Variants in PARP1 observed in about 807,000 individuals in gnomAD.
The protein encoded by PARP1 is poly(ADP-ribose) polymerase 1.
PARP1 carries 44 observed loss-of-function variants against 118.7 expected under a neutral mutation model. That is an observed-to-expected ratio of 0.37 (90% CI 0.29 to 0.48). The LOEUF (loss-of-function observed/expected upper bound fraction) is 0.48. PARP1 is among the 20% of genes least tolerant of loss of function. The pLI is 0.99. For missense variants in PARP1, 1,100 were observed against 1,272.4 expected, an observed-to-expected ratio of 0.86 and a Z score of 2.06; for synonymous variants, 492 against 483.2, an observed-to-expected ratio of 1.02 and a Z score of -0.24.
At chr1:226,404,553 C>G (rs1450174666) in intron 1 of PARP1, among the ~76,000 whole-genome samples, 1 of 152,208 alleles carries the variant, frequency 6.6e-6, no homozygotes, top group African/African-American at 2.4e-5. Flanking sequence ...CCCCAACCAC[C>G]GGCACAGTGC....
At chr1:226,392,922 A>G (rs1664847312) in intron 2 of PARP1, 2 of 1,567,062 alleles carry the variant, frequency 1.3e-6, no homozygotes, top group African/African-American at 2.8e-5. Context: ...CTTGCCTAAG[A>G]TTAGGAATAA....
intron 2 of PARP1, among the ~76,000 whole-genome samples, chr1:226,401,559 G>A (rs1290868100): frequency 6.6e-6 from 1 of 152,170 alleles, no homozygotes; most frequent in African/African-American, 2.4e-5. Context: ...ATGGCACACT[G>A]GTGGGTGTTT....
intron 12 of PARP1, among the ~76,000 whole-genome samples, chr1:226,378,828 A>G (rs1199673489): frequency 6.6e-6 from 1 of 152,174 alleles, no homozygotes; most frequent in Non-Finnish European, 1.5e-5. Flanking sequence ...GAGCGAGACT[A>G]TTTCAAAAAA....
chr1:226,367,539 C>G lies in PARP1; in HGVS notation c.2347G>C (p.Asp783His). The change falls in exon 17 of 23, where the codon GAT becomes CAT. Residue 783 changes from aspartate to histidine, a missense_variant. Asp to His is a moderately conservative substitution (Grantham distance 81, BLOSUM62 -1). This residue lies in a region of PARP1 where 948 missense variants were observed against 1,031.8 expected (regional missense o/e 0.92). Coordinates refer to ENST00000366794, the MANE Select transcript of PARP1 (RefSeq NM_001618.4). ...TCGATGGGATCCTTGCTGCTATCAT[C>G]AGACCCTCCCCTGAGCAGACTGTAG... ...VAYSLLRGGS[D>H]DSSKDPIDVN... 1 of 1,614,170 alleles carries G rather than the reference C, an allele frequency of 6.2e-7. No homozygotes were observed. The highest frequency in any genetic ancestry group is 1.7e-4 in the Middle Eastern group (1 of 6,060).
chr1:226,406,802 G>A lies in PARP1; in HGVS notation c.120+1008C>T, dbSNP rs145780593. 1.9e-4 allele frequency among the ~76,000 whole-genome samples: 29 copies of A among 152,264 alleles called. No individual in the cohort carries two copies. In the East Asian group the frequency reaches 5.4e-3, roughly 28 times the overall value. ...AAATAAGATAACGGAAGTACACCTG[G>A]CACTTGGGTATCCACTCGGTAAATG... On this transcript the variant is annotated intron_variant, in intron 1 of 22. Coordinates refer to ENST00000366794, the MANE Select transcript of PARP1 (RefSeq NM_001618.4).
chr1:226,382,912 ATGGTG>A, intron 8 of PARP1, 119 bp downstream of exon 8: 1 of 1,101,372 alleles, frequency 9.1e-7, no homozygotes, highest in South Asian at 1.3e-5. Context: ...AGGCTTCCCC[ATGGTG>A]GGGTCAGCAA....
rs767394876 is a variant in PARP1 at position 226,381,193 on chromosome 1, T to G, written c.1175A>C (p.Asn392Thr). The G allele has an allele frequency of 1.2e-6, 2 of 1,614,166 alleles. No individual in the cohort carries two copies. The highest frequency in any genetic ancestry group is 1.7e-6 in the Non-Finnish European group (2 of 1,180,028). The change falls in exon 9 of 23, where the codon AAC (asparagine) becomes ACC (threonine). Residue 392 changes from asparagine to threonine, a missense_variant. Physicochemically the swap from Asn to Thr is moderately conservative, Grantham distance 65. Coordinates refer to ENST00000366794, the MANE Select transcript of PARP1 (RefSeq NM_001618.4). ...CTTCCCGAGAGTCAGGATCTTCATGTTGGATAATGGCTTATCTGGGATGAA... is the reference window on the plus strand; with the variant it reads ...CTTCCCGAGAGTCAGGATCTTCATGGTGGATAATGGCTTATCTGGGATGAA... ...SSASADKPLS[N>T]MKILTLGKLS...
Position 226,407,988 on chromosome 1 carries a change from G to A in PARP1, c.-59C>T, listed in dbSNP as rs1195180037. On this transcript the variant is annotated 5_prime_UTR_variant, in exon 1 of 23. Transcript: ENST00000366794. The stretch of plus-strand genomic sequence containing the variant: ...CGACGCCACGACCTAGAAACACGCT[G>A]CCGCCTCGCCGCCTCGCGTGCGCTC... 6.2e-7 allele frequency: 1 copy of A among 1,601,102 alleles called. No homozygotes were observed. The highest frequency in any genetic ancestry group is 1.3e-5 in the African/African-American group (1 of 74,646).
At chr1:226,407,308 T>A (rs893154230) in intron 1 of PARP1, among the ~76,000 whole-genome samples, 7 of 151,204 alleles carry the variant, frequency 4.6e-5, no homozygotes, top group Non-Finnish European at 8.8e-5. Context: ...TTCTGCCTAA[T>A]TAAAATAAAA....
intron 12 of PARP1, among the ~76,000 whole-genome samples, chr1:226,377,812 G>A (rs887463546): frequency 2.0e-5 from 3 of 151,978 alleles, no homozygotes; most frequent in African/African-American, 7.3e-5. Context: ...CTCAATTGAG[G>A]GTACACATCA....
chr1:226,369,271 G>A (rs906202492), intron 15 of PARP1, among the ~76,000 whole-genome samples: 8 of 152,206 alleles, frequency 5.3e-5, no homozygotes, highest in Non-Finnish European at 1.0e-4. Flanking sequence ...CAGAAAGCCC[G>A]CTGCCTGGGC....
chr1:226,361,770 T>C (rs2102724761), intron 22 of PARP1, 199 bp downstream of exon 22: 1 of 663,562 alleles, frequency 1.5e-6, no homozygotes, highest in Non-Finnish European at 2.7e-6. Context: ...GATCATCCTC[T>C]GGAAACTGGG....
intron 16 of PARP1, 122 bp downstream of exon 16, chr1:226,368,077 G>A: frequency 7.3e-7 from 1 of 1,368,770 alleles, no homozygotes. Context: ...CAAAACAAGG[G>A]CAAGAGGGTG....
chr1:226,367,567 C>T lies in PARP1; in HGVS notation c.2319G>A (p.Val773=), dbSNP rs757146167. Residue 773 remains valine, a synonymous_variant, in exon 17 of 23, where the codon GTG becomes GTA. Coordinates refer to ENST00000366794, the MANE Select transcript of PARP1 (RefSeq NM_001618.4). ...EMLDNLLDIE[V]AYSLLRGGSD... is the part of the protein sequence containing the mutation. ...ACCCTCCCCTGAGCAGACTGTAGGC[C>T]ACCTCGATGTCCAGCAGGTTGTCAA... 11 of 1,614,158 alleles carry T rather than the reference C, an allele frequency of 6.8e-6. No individual in the cohort carries two copies. Among genetic ancestry groups the T allele is most frequent in the Non-Finnish European group, 7.6e-6 (9 of 1,180,032 alleles).
Position 226,362,063 on chromosome 1 carries a change from CA to C in PARP1, c.2868del (p.Asp957IlefsTer11), listed in dbSNP as rs763716084. ...TCCAGACTAATGTTAGCTGAAGGAT[CA>C]GGGGTAGTTTTGCCCAAACCTGAAA... ...HSVKGLGKTT[P>X]DPSANISLDG... On this transcript the variant is annotated frameshift_variant, in exon 22 of 23. Coordinates refer to ENST00000366794, the MANE Select transcript of PARP1 (RefSeq NM_001618.4). LOFTEE classifies it high-confidence loss of function. 3 of 1,613,460 alleles carry C rather than the reference CA, an allele frequency of 1.9e-6. No individual in the cohort carries two copies. The highest frequency in any genetic ancestry group is 1.7e-6 in the Non-Finnish European group (2 of 1,179,370).
intron 2 of PARP1, among the ~76,000 whole-genome samples, chr1:226,396,907 T>C (rs1012408489): frequency 6.6e-6 from 1 of 151,992 alleles, no homozygotes. Flanking sequence ...TACTCAGGTA[T>C]ATTTAAATTA....
At chr1:226,362,184 C>A in intron 21 of PARP1, 101 bp from the exon 22 acceptor site, 1 of 604,024 alleles carries the variant, frequency 1.7e-6, no homozygotes, top group Non-Finnish European at 2.9e-6. Context: ...TGTGGTCTTT[C>A]TTTTTTTTTT....
intron 2 of PARP1, among the ~76,000 whole-genome samples, chr1:226,397,887 A>G (rs1220966199): frequency 2.6e-5 from 4 of 152,162 alleles, no homozygotes; most frequent in African/African-American, 9.7e-5. Context: ...TCTTTGACAA[A>G]AAAGTAAAGG....
chr1:226,383,046 AGAG>A lies in PARP1; in HGVS notation c.1146_1148del (p.Ser383del), dbSNP rs768703197. ...TCCCAAATGCTGTACCTGCTGAAGC[AGAG>A]GAGTTCACAGCAGCAGGAGCCGAGG... On this transcript the variant is annotated inframe_deletion, in exon 8 of 23. Transcript: ENST00000366794. 108 of 1,612,870 alleles carry A rather than the reference AGAG, an allele frequency of 6.7e-5. No homozygotes were observed. The highest frequency in any genetic ancestry group is 4.4e-4 in the African/African-American group (33 of 75,034).
Sources: gnomAD v4.1 joint callset for allele counts (sites outside exome capture counted in the v4.1 genomes callset) on GRCh38, gnomAD v4.1.1 for gene constraint, gnomAD v4.1.1 regional missense constraint, MANE v1.5 for transcripts, NCBI Gene and HGNC (gene_info 2026-07-23, HGNC 2026-07-21) for gene names.